DPP4: variants seen among roughly 807,000 people sequenced by gnomAD.
The protein encoded by DPP4 is dipeptidyl peptidase 4.
DPP4 carries 93 observed loss-of-function variants against 122.4 expected under a neutral mutation model. That is an observed-to-expected ratio of 0.76 (90% CI 0.64 to 0.90). DPP4 has a LOEUF of 0.90. DPP4 is among the 40% of genes least tolerant of loss of function. The pLI, the probability that DPP4 is intolerant of heterozygous loss-of-function variation, is 0.00. For synonymous variants in DPP4, 321 were observed against 302.9 expected (o/e 1.06, Z -0.62); for missense variants, 914 against 907.3 (o/e 1.01, Z -0.09).
chr2:162,038,600 T>C (rs765845854), intron 7 of DPP4, among the ~76,000 whole-genome samples, 178 bp from the exon 8 acceptor site: 7 of 152,136 alleles, frequency 4.6e-5, no homozygotes, highest in Non-Finnish European at 8.8e-5. Context: ...GTACAGCCTA[T>C]AATCCCAAAA....
intron 23 of DPP4, among the ~76,000 whole-genome samples, chr2:161,999,367 A>G (rs1701087548): frequency 6.6e-6 from 1 of 152,264 alleles, no homozygotes; most frequent in Non-Finnish European, 1.5e-5. Context: ...ATCCATGGAA[A>G]CAGAAATAAA....
chr2:162,062,114 C>CA (rs1045197117), intron 2 of DPP4, among the ~76,000 whole-genome samples: 1,189 of 80,978 alleles, frequency 0.015, 15 homozygotes, highest in East Asian at 0.084. Context: ...ACTAAAAATA[C>CA]AAAAAAAAAA....
At chr2:162,007,313 A>T (rs1012092414) in intron 22 of DPP4, among the ~76,000 whole-genome samples, 1 of 152,094 alleles carries the variant, frequency 6.6e-6, no homozygotes, top group Non-Finnish European at 1.5e-5. Context: ...GCAGACTTTA[A>T]TTCTGCTTGT....
At chr2:162,047,064 G>T in intron 3 of DPP4, 58 bp from the exon 4 acceptor site, 1 of 939,882 alleles carries the variant, frequency 1.1e-6, no homozygotes, top group Non-Finnish European at 1.7e-6. Flanking sequence ...ATCTTCATAA[G>T]CTGAAAATTA....
At chr2:162,005,918 A>G in intron 22 of DPP4, 109 bp from the exon 23 acceptor site, 1 of 854,918 alleles carries the variant, frequency 1.2e-6, no homozygotes, top group East Asian at 2.7e-5. Flanking sequence ...ATGTATAGGA[A>G]TATAGAGTTA....
At chr2:162,017,946 T>G (rs1682983600) in intron 16 of DPP4, among the ~76,000 whole-genome samples, 1 of 152,034 alleles carries the variant, frequency 6.6e-6, no homozygotes, top group Non-Finnish European at 1.5e-5. Context: ...AATATCTACT[T>G]GATAGAGATT....
Position 161,994,924 on chromosome 2 carries a change from A to G in DPP4, c.2199+37T>C, listed in dbSNP as rs188929901. The G allele has an allele frequency of 1.7e-4, 271 of 1,588,216 alleles. 1 individual carries two copies. The Admixed American group carries it at 4.4e-3, about 26-fold the overall frequency. ...CAGAAAGAGGAAACTAGACCCCACC[A>G]GCAACTTCCCTCCCCTTGCACAAAG... On this transcript the variant is annotated intron_variant, in intron 25 of 25. Transcript: ENST00000360534.
Position 162,020,889 on chromosome 2 carries a change from C to T in DPP4, c.1069-201G>A, listed in dbSNP as rs1188274934. Among the ~76,000 whole-genome samples the T allele has an allele frequency of 2.6e-5, 4 of 152,100 alleles. No homozygotes were observed. The East Asian group carries it at 5.8e-4, about 22-fold the overall frequency. On this transcript the variant is annotated intron_variant, in intron 12 of 25. Coordinates refer to ENST00000360534, the MANE Select transcript of DPP4 (RefSeq NM_001935.4). Reference sequence around the variant, plus strand: ...AAACACCATACTCATAGGTAATTTTCGTGAGCAGTAAATGAGAGAATGTAT... The same window carrying T: ...AAACACCATACTCATAGGTAATTTTTGTGAGCAGTAAATGAGAGAATGTAT...
chr2:162,009,513 T>TTGTGTGTGTGTGTGTGTGTG, intron 20 of DPP4, among the ~76,000 whole-genome samples: 1 of 144,384 alleles, frequency 6.9e-6, no homozygotes, highest in African/African-American at 2.5e-5. Context: ...TTCATAAAAA[T>TTGTGTGTGTGTGTGTGTGTG]TGTGTGTGTG....
chr2:162,067,411 T>G (rs1413530055), intron 2 of DPP4, among the ~76,000 whole-genome samples: 1 of 152,134 alleles, frequency 6.6e-6, no homozygotes, highest in African/African-American at 2.4e-5. Context: ...ACCTCAGTTA[T>G]ACATCCTGAG....
chr2:162,063,390 T>TTACAAA (rs1366262037), intron 2 of DPP4, among the ~76,000 whole-genome samples: 2 of 152,074 alleles, frequency 1.3e-5, no homozygotes, highest in African/African-American at 4.8e-5. Context: ...TAAATGGTAT[T>TTACAAA]TGAGGCCATG....
At chr2:162,015,343 T>C (rs555543911) in intron 18 of DPP4, among the ~76,000 whole-genome samples, 112 of 152,318 alleles carry the variant, frequency 7.4e-4, no homozygotes, top group African/African-American at 2.6e-3. Context: ...TATAGATAGA[T>C]TTATCTTCAA....
At chr2:162,045,016 T>A (rs1009512537) in intron 5 of DPP4, among the ~76,000 whole-genome samples, 2 of 151,422 alleles carry the variant, frequency 1.3e-5, no homozygotes, top group Non-Finnish European at 2.9e-5. Context: ...TATAATGCAG[T>A]GGCACAGTAT....
chr2:162,068,143 A>T (rs1486551664), intron 2 of DPP4, among the ~76,000 whole-genome samples: 2 of 152,212 alleles, frequency 1.3e-5, no homozygotes, highest in African/African-American at 4.8e-5. Context: ...GAAACCATTC[A>T]AAAGCTTGAG....
rs1683092218 is a variant in DPP4, at chr2:162,020,650, A to G, written c.1107T>C (p.Asn369=). The change falls in exon 13 of 26, where the codon AAT becomes AAC. Residue 369 remains asparagine, a synonymous_variant. Coordinates refer to ENST00000360534, the MANE Select transcript of DPP4 (RefSeq NM_001935.4). ...CATTGCTGATGATCTTGTAGAAGCTATTACCATCAAGGGTAAAATGAGGTT... is the reference window on the plus strand; with the variant it reads ...CATTGCTGATGATCTTGTAGAAGCTGTTACCATCAAGGGTAAAATGAGGTT... ...PSEPHFTLDG[N]SFYKIISNEE... 7 of 1,612,720 alleles carry G rather than the reference A, an allele frequency of 4.3e-6. No homozygotes were observed. Among genetic ancestry groups the G allele is most frequent in the Non-Finnish European group, 5.9e-6 (7 of 1,179,654 alleles).
intron 2 of DPP4, 138 bp downstream of exon 2, chr2:162,073,261 C>A: frequency 2.6e-6 from 2 of 781,330 alleles, no homozygotes; most frequent in East Asian, 2.6e-5. Context: ...GCAGCAACAA[C>A]AACTGGGAAG....
intron 23 of DPP4, among the ~76,000 whole-genome samples, chr2:162,003,397 A>G (rs1701201513): frequency 6.6e-6 from 1 of 152,118 alleles, no homozygotes; most frequent in Non-Finnish European, 1.5e-5. Context: ...TAATTATCCT[A>G]TCTCATTATA....
In DPP4 at chr2:162,033,531, A is replaced by G. The variant is rs2106117721; in HGVS notation, c.887+10T>C. The G allele has an allele frequency of 5.0e-6, 8 of 1,601,176 alleles. No individual in the cohort carries two copies. The highest frequency in any genetic ancestry group is 6.8e-6 in the Non-Finnish European group (8 of 1,171,762). ...GTTTACAAGCCAAGCATTCAGGACA[A>G]GAGTCTTACCCTATCAACATAGAAG... is the stretch of plus-strand genomic sequence containing the variant. On this transcript the variant is annotated intron_variant, in intron 10 of 25. Transcript: ENST00000360534.
intron 5 of DPP4, among the ~76,000 whole-genome samples, chr2:162,041,435 T>C (rs112114740): frequency 3.3e-4 from 50 of 152,232 alleles, no homozygotes; most frequent in African/African-American, 1.1e-3. Flanking sequence ...ATGAAATAGG[T>C]ATCCCAAGGA....
Sources: allele counts gnomAD v4.1 joint callset (sites outside exome capture counted in the v4.1 genomes callset), GRCh38; gene constraint gnomAD v4.1.1; transcripts MANE v1.5; gene names NCBI Gene and HGNC (gene_info 2026-07-23, HGNC 2026-07-21).